The following ADGB variants were observed in gnomAD, a reference collection of about 807,000 sequenced individuals.
ADGB encodes androglobin.
Under a neutral mutation model 210.5 loss-of-function variants are expected in ADGB, and 172 were observed. The observed-to-expected ratio is 0.82, with a 90% CI of 0.72 to 0.93. ADGB has a LOEUF of 0.93. Among genes scored for constraint, ADGB ranks in the 40% least tolerant of loss-of-function variants. The pLI, the probability that ADGB is intolerant of heterozygous loss-of-function variation, is 0.00. For synonymous variants in ADGB, 658 were observed against 662.7 expected, an observed-to-expected ratio of 0.99 and a Z score of 0.11; for missense variants, 2,025 against 1,964.8, an observed-to-expected ratio of 1.03 and a Z score of -0.58.
At chr6:146,682,980 T>A (rs1456300997) in intron 9 of ADGB, among the ~76,000 whole-genome samples, 3 of 151,988 alleles carry the variant, frequency 2.0e-5, no homozygotes, top group Non-Finnish European at 4.4e-5. Flanking sequence ...TGGGGCCTAA[T>A]GAGAGGTAAT....
chr6:146,653,646 T>G (rs143851590), intron 3 of ADGB, among the ~76,000 whole-genome samples: 3,005 of 152,124 alleles, frequency 0.02, 90 homozygotes, highest in African/African-American at 0.066. Flanking sequence ...GGTACTAGGC[T>G]TAATACCTGG....
intron 20 of ADGB, among the ~76,000 whole-genome samples, chr6:146,731,829 GA>G (rs1202082277): frequency 1.3e-5 from 2 of 152,036 alleles, no homozygotes; most frequent in South Asian, 4.2e-4. Flanking sequence ...CTTCCCTCAA[GA>G]AATGTGTTCT....
chr6:146,802,358 CT>C (rs910073175), intron 35 of ADGB: 40 of 167,328 alleles, frequency 2.4e-4, no homozygotes, highest in East Asian at 3.3e-4. Context: ...TGGGAAAAGT[CT>C]TTTTTTTTAA....
chr6:146,676,401 C>G lies in ADGB; in HGVS notation c.1176C>G (p.Pro392=). The change falls in exon 9 of 36, where the codon CCC becomes CCG. Residue 392 remains proline, a synonymous_variant. Transcript: ENST00000397944. ...KFKFSLHGSR[P]SSEVQYSVQS... ...AATTCTCACTTCATGGTTCAAGACC[C>G]TCATCAGAAGTGCAGTACTCTGTGC... The G allele has an allele frequency of 6.5e-7, 1 of 1,546,424 alleles. No homozygotes were observed. Among genetic ancestry groups the G allele is most frequent in the Non-Finnish European group, 8.7e-7 (1 of 1,143,828 alleles).
At chr6:146,666,600 A>G (rs1775939046) in intron 6 of ADGB, among the ~76,000 whole-genome samples, 1 of 151,974 alleles carries the variant, frequency 6.6e-6, no homozygotes. Flanking sequence ...AATAAAGCAT[A>G]TAAACATGCC....
intron 10 of ADGB, among the ~76,000 whole-genome samples, chr6:146,686,290 A>G (rs902699230): frequency 1.3e-5 from 2 of 152,116 alleles, no homozygotes; most frequent in African/African-American, 4.8e-5. Context: ...AAATAATACA[A>G]AATAAATGCT....
intron 2 of ADGB, among the ~76,000 whole-genome samples, chr6:146,643,336 G>A (rs1282079362): frequency 2.0e-5 from 3 of 151,864 alleles, no homozygotes; most frequent in Admixed American, 1.3e-4. Context: ...GGGTAAAAAC[G>A]TGATTACTGT....
chr6:146,773,452 G>C (rs1777682107), intron 29 of ADGB, among the ~76,000 whole-genome samples: 1 of 151,952 alleles, frequency 6.6e-6, no homozygotes, highest in Non-Finnish European at 1.5e-5. Context: ...AAAAAATATG[G>C]TACTTTTTAA....
intron 1 of ADGB, among the ~76,000 whole-genome samples, chr6:146,601,291 A>T (rs1278399904): frequency 6.6e-6 from 1 of 152,232 alleles, no homozygotes; most frequent in Non-Finnish European, 1.5e-5. Flanking sequence ...ATATCAATAA[A>T]AATGTATGCA....
At chr6:146,661,106 T>C (rs1282807482) in intron 5 of ADGB, among the ~76,000 whole-genome samples, 7 of 152,132 alleles carry the variant, frequency 4.6e-5, no homozygotes, top group Admixed American at 4.6e-4. Flanking sequence ...AGTATCATGA[T>C]TTTACCACTT....
intron 3 of ADGB, among the ~76,000 whole-genome samples, chr6:146,649,160 GT>G (rs567600494): frequency 0.025 from 3,208 of 125,964 alleles, 90 homozygotes; most frequent in African/African-American, 0.085. Context: ...TTAAAGTTTT[GT>G]TTTTTTTTTT....
chr6:146,802,531 T>C (rs112005841), intron 35 of ADGB: 1 of 339,324 alleles, frequency 2.9e-6, no homozygotes, highest in East Asian at 6.4e-5. Context: ...AACCATATAA[T>C]TCCCAAATGC....
intron 2 of ADGB, among the ~76,000 whole-genome samples, chr6:146,643,768 A>G (rs1775555434): frequency 6.6e-6 from 1 of 151,956 alleles, no homozygotes; most frequent in Admixed American, 6.6e-5. Flanking sequence ...CATGTTCTTC[A>G]ATAAACAGTT....
intron 29 of ADGB, among the ~76,000 whole-genome samples, chr6:146,770,972 C>G (rs1453085548): frequency 6.6e-6 from 1 of 152,096 alleles, no homozygotes; most frequent in African/African-American, 2.4e-5. Context: ...AGCCAACACC[C>G]CTAACAGCCC....
intron 1 of ADGB, among the ~76,000 whole-genome samples, chr6:146,618,300 ATTTG>A (rs1257773255): frequency 6.7e-6 from 1 of 149,376 alleles, no homozygotes; most frequent in African/African-American, 2.5e-5. Context: ...AAGTTTCTCT[ATTTG>A]TTTTATCTTT....
intron 1 of ADGB, among the ~76,000 whole-genome samples, chr6:146,613,209 A>G (rs966128286): frequency 1.3e-5 from 2 of 152,220 alleles, no homozygotes; most frequent in Admixed American, 6.5e-5. Context: ...TTTAAAGTTA[A>G]AAGGCCATTT....
intron 5 of ADGB, among the ~76,000 whole-genome samples, chr6:146,660,813 A>G (rs182211593): frequency 8.3e-4 from 126 of 152,286 alleles, no homozygotes; most frequent in Non-Finnish European, 3.7e-4. Flanking sequence ...TTTGATAAGT[A>G]TATTCAAGTT....
intron 16 of ADGB, among the ~76,000 whole-genome samples, chr6:146,720,343 T>C (rs764062007): frequency 2.6e-5 from 4 of 152,186 alleles, no homozygotes; most frequent in Non-Finnish European, 4.4e-5. Flanking sequence ...TATCTAATTA[T>C]ATTAAGTATT....
rs1030634302 is a variant in ADGB, at chr6:146,801,928, A to G, written c.4735A>G (p.Arg1579Gly). 7 of 1,550,984 alleles carry G rather than the reference A, an allele frequency of 4.5e-6. No individual in the cohort carries two copies. The African/African-American group carries it at 6.8e-5, about 15-fold the overall frequency. Residue 1579 changes from arginine (R) to glycine (G), a missense_variant, in exon 35 of 36, where the codon AGA becomes GGA. By Grantham distance (125) the Arg-to-Gly change is moderately radical. Transcript: ENST00000397944. ...TCATCAGTTTCGACAGCATAGGACCAGAGTCCTTAGCATTCGAAACATTGA... is the reference window on the plus strand; with the variant it reads ...TCATCAGTTTCGACAGCATAGGACCGGAGTCCTTAGCATTCGAAACATTGA... ...EIHQFRQHRTRVLSIRNIDQE... is the reference protein window; with the variant it reads ...EIHQFRQHRTGVLSIRNIDQE...
Sources: gnomAD v4.1 joint callset for allele counts (sites outside exome capture counted in the v4.1 genomes callset) on GRCh38, gnomAD v4.1.1 for gene constraint, MANE v1.5 for transcripts, NCBI Gene and HGNC (gene_info 2026-07-23, HGNC 2026-07-21) for gene names.